Variants in PSG2 observed in about 807,000 individuals in gnomAD.
PSG2 encodes pregnancy-specific beta-1-glycoprotein 2.
PSG2 carries 49 observed loss-of-function variants against 36.2 expected under a neutral mutation model. The observed-to-expected ratio is 1.35, with a 90% CI of 1.08 to 1.72. The LOEUF is 1.72. Ranked by LOEUF, PSG2 falls within the 40% of genes most tolerant of loss-of-function variation. The pLI, the probability that PSG2 is intolerant of heterozygous loss-of-function variation, is 0.00. For missense variants in PSG2, 605 were observed against 407.2 expected (o/e 1.49, Z -4.18); for synonymous variants, 261 against 155.6 (o/e 1.68, Z -5.04).
At chr19:43,079,379 G>T (rs1402319873) in intron 2 of PSG2, among the ~76,000 whole-genome samples, 1 of 151,458 alleles carries the variant, frequency 6.6e-6, no homozygotes, top group Admixed American at 6.6e-5. Context: ...GATGAAACAT[G>T]GGTGTCAGCT....
chr19:43,081,079 A>T lies in PSG2; in HGVS notation c.232T>A (p.Tyr78Asn). 1 of 1,612,804 alleles carries T rather than the reference A, an allele frequency of 6.2e-7. No individual in the cohort carries two copies. Among genetic ancestry groups the T allele is most frequent in the Non-Finnish European group, 8.5e-7 (1 of 1,179,648 alleles). ...CCGTCTACTACATATGATGTAATGT[A>T]ATGGTAGAGGTCCCTGATTTGCCCT... ...YKGQIRDLYH[Y>N]ITSYVVDGQI... Residue 78 changes from tyrosine (Y) to asparagine (N), a missense_variant, in exon 2 of 6, where the codon TAC (tyrosine) becomes AAC (asparagine). By Grantham distance (143) the Tyr-to-Asn change is moderately radical. Transcript: ENST00000406487.
chr19:43,076,028 A>C (rs1262919920), intron 2 of PSG2, among the ~76,000 whole-genome samples: 1 of 151,600 alleles, frequency 6.6e-6, no homozygotes, highest in Admixed American at 6.6e-5. Context: ...CCCCTGAGGT[A>C]TGTTTTCTCT....
At chr19:43,070,795 T>C (rs140364659) in intron 4 of PSG2, among the ~76,000 whole-genome samples, 1 of 151,608 alleles carries the variant, frequency 6.6e-6, no homozygotes, top group African/African-American at 2.4e-5. Context: ...CAACACTAAA[T>C]TGCACACTTA....
chr19:43,077,170 C>T (rs1182062733), intron 2 of PSG2, among the ~76,000 whole-genome samples: 1 of 151,516 alleles, frequency 6.6e-6, no homozygotes, highest in African/African-American at 2.4e-5. Context: ...TAGTATTTCT[C>T]CTGAGACCAA....
chr19:43,068,119 A>T (rs560996826), intron 4 of PSG2, among the ~76,000 whole-genome samples: 268 of 151,432 alleles, frequency 1.8e-3, no homozygotes, highest in Non-Finnish European at 5.4e-4. Flanking sequence ...AAAAAGAGAA[A>T]AGTTTAAAAT....
intron 3 of PSG2, 85 bp downstream of exon 3, chr19:43,075,262 TACTTGGA>T: frequency 1.2e-6 from 2 of 1,610,462 alleles, no homozygotes; most frequent in South Asian, 1.1e-5. Context: ...AAGGTCTCTG[TACTTGGA>T]CCTGAGAGGG....
intron 1 of PSG2, among the ~76,000 whole-genome samples, chr19:43,081,457 TC>T (rs1967974605): frequency 6.6e-6 from 1 of 150,912 alleles, no homozygotes; most frequent in Admixed American, 6.6e-5. Flanking sequence ...TCCTACTAGG[TC>T]AAGGTCAGCA....
At chr19:43,073,211 C>A (rs568694242) in intron 3 of PSG2, among the ~76,000 whole-genome samples, 1 of 151,754 alleles carries the variant, frequency 6.6e-6, no homozygotes, top group African/African-American at 2.4e-5. Flanking sequence ...AGTGGAGGCA[C>A]AAGGTGGGGC....
At chr19:43,072,704 T>C in intron 3 of PSG2, 1 of 1,581,490 alleles carries the variant, frequency 6.3e-7, no homozygotes, top group African/African-American at 1.4e-5. Flanking sequence ...CAATCAGAGT[T>C]ACCATCTCCC....
chr19:43,082,142 T>C (rs1715256919), intron 1 of PSG2: 1 of 123,436 alleles, frequency 8.1e-6, no homozygotes, highest in African/African-American at 3.4e-5. Flanking sequence ...TTTTTTTTTT[T>C]TTTTTTTTTT....
intron 3 of PSG2, chr19:43,072,530 G>T: frequency 6.2e-7 from 1 of 1,611,228 alleles, no homozygotes; most frequent in South Asian, 1.1e-5. Context: ...CCAAATGTAG[G>T]TGTAGCTCTC....
intron 5 of PSG2, chr19:43,065,498 C>T (rs1440342047): frequency 6.6e-6 from 1 of 151,604 alleles, no homozygotes; most frequent in Non-Finnish European, 1.5e-5. Context: ...CCTCTCCAGA[C>T]CTTTGAACTG....
At chr19:43,068,542 C>G (rs572007062) in intron 4 of PSG2, among the ~76,000 whole-genome samples, 2 of 150,336 alleles carry the variant, frequency 1.3e-5, no homozygotes, top group South Asian at 4.2e-4. Flanking sequence ...TATGAAAGTA[C>G]TATAAATAAT....
intron 4 of PSG2, among the ~76,000 whole-genome samples, chr19:43,066,939 G>A (rs753797736): frequency 1.5e-4 from 23 of 151,240 alleles, no homozygotes; most frequent in South Asian, 4.2e-4. Flanking sequence ...CGGTGTTTCT[G>A]TTGTGGCAGT....
chr19:43,076,020 C>T (rs558101120), intron 2 of PSG2, among the ~76,000 whole-genome samples: 1 of 151,548 alleles, frequency 6.6e-6, no homozygotes, highest in Non-Finnish European at 1.5e-5. Context: ...TACTTTGCCC[C>T]CTGAGGTATG....
intron 4 of PSG2, among the ~76,000 whole-genome samples, 185 bp downstream of exon 4, chr19:43,071,515 A>T (rs1967815817): frequency 6.6e-6 from 1 of 151,532 alleles, no homozygotes; most frequent in Admixed American, 6.6e-5. Context: ...CAGCCATGAG[A>T]AAACAGAAAA....
In PSG2 at chr19:43,077,665, G is replaced by T. The variant is rs982827721; in HGVS notation, c.431-2033C>A. On this transcript the variant is annotated intron_variant, in intron 2 of 5. Transcript: ENST00000406487. Reference sequence around the variant, plus strand: ...GCACCCACCTGGTCACCTCCAACTGGTCCTCAAAACCACCAGTATTCCTAT... The same window carrying T: ...GCACCCACCTGGTCACCTCCAACTGTTCCTCAAAACCACCAGTATTCCTAT... Among the ~76,000 whole-genome samples, 11 of 151,682 alleles carry T rather than the reference G, an allele frequency of 7.3e-5. 1 individual carries two copies. Among genetic ancestry groups the T allele is most frequent in the African/African-American group, 2.7e-4 (11 of 41,078 alleles).
rs767687218 is a variant in PSG2 at position 43,081,207 on chromosome 19, T to C, written c.104A>G (p.Gln35Arg). 1 of 1,612,442 alleles carries C rather than the reference T, an allele frequency of 6.2e-7. No individual in the cohort carries two copies. The highest frequency in any genetic ancestry group is 8.5e-7 in the Non-Finnish European group (1 of 1,179,550). The change falls in exon 2 of 6, where the codon CAA (glutamine) becomes CGA (arginine). Residue 35 changes from glutamine (Q) to arginine (R), a missense_variant. Physicochemically the swap from Gln to Arg is conservative, Grantham distance 43. Transcript: ENST00000406487. The stretch of plus-strand genomic sequence containing the variant: ...TGGTGGCTGGGCTTCAATCGTGACT[T>C]GGGCAGTGGTGGGCAGGTTCCAGAA... The part of the protein sequence containing the change: ...LNFWNLPTTA[Q>R]VTIEAQPPKV...
At chr19:43,073,512 T>C (rs1453509098) in intron 3 of PSG2, among the ~76,000 whole-genome samples, 2 of 151,724 alleles carry the variant, frequency 1.3e-5, no homozygotes, top group East Asian at 1.9e-4. Flanking sequence ...ATGGACCATG[T>C]GTGTTTGATG....
Sources: allele counts gnomAD v4.1 joint callset (sites outside exome capture counted in the v4.1 genomes callset), GRCh38; gene constraint gnomAD v4.1.1; transcripts MANE v1.5; gene names NCBI Gene and HGNC (gene_info 2026-07-23, HGNC 2026-07-21).